The following EIF3M variants were observed in gnomAD, a reference collection of about 807,000 sequenced individuals.
EIF3M encodes eukaryotic translation initiation factor 3 subunit M, also known as B5 receptor.
Under a neutral mutation model 49.7 loss-of-function variants are expected in EIF3M, and 25 were observed. The ratio of observed to expected loss-of-function variants is 0.50; its 90% CI spans 0.37 to 0.70. The LOEUF (loss-of-function observed/expected upper bound fraction) is 0.70. Among genes scored for constraint, EIF3M ranks in the 30% least tolerant of loss-of-function variants. The pLI is 0.00. For missense variants in EIF3M, 350 were observed against 440.0 expected, an observed-to-expected ratio of 0.80 and a Z score of 1.83; for synonymous variants, 156 against 149.8, an observed-to-expected ratio of 1.04 and a Z score of -0.30.
intron 8 of EIF3M, among the ~76,000 whole-genome samples, chr11:32,599,596 T>G (rs2133203383): frequency 6.6e-6 from 1 of 152,110 alleles, no homozygotes; most frequent in East Asian, 1.9e-4. Flanking sequence ...GATTGATCAT[T>G]TGCTGATTTT....
At position 32,603,256 on chromosome 11, in the gene EIF3M, C is replaced by T. The variant is rs1288835875; in HGVS notation, c.*857C>T. 2.6e-6 allele frequency: 1 copy of T among 387,512 alleles called. No homozygotes were observed. The highest frequency in any genetic ancestry group is 4.6e-6 in the Non-Finnish European group (1 of 218,024). The allele number at this position is 387,512 out of a possible 1,614,324, so 24.0% of individuals were successfully genotyped here. On this transcript the variant is annotated 3_prime_UTR_variant, in exon 11 of 11. Transcript: ENST00000531120. ...TAAAGTGTACAAAAACTGCCTTTTA[C>T]TACTTCATGTTTCCTCCCATGCTTC...
intron 3 of EIF3M, 99 bp downstream of exon 3, chr11:32,588,831 A>G: frequency 6.4e-7 from 1 of 1,573,584 alleles, no homozygotes; most frequent in Non-Finnish European, 8.6e-7. Flanking sequence ...CTTGACTCTC[A>G]GCTGTGGCTC....
At chr11:32,601,232 A>C (rs1855257604) in intron 9 of EIF3M, 1 of 156,496 alleles carries the variant, frequency 6.4e-6, no homozygotes, top group Non-Finnish European at 1.4e-5. Flanking sequence ...TTCAAGTGTT[A>C]ACCATTACCA....
intron 9 of EIF3M, chr11:32,601,519 AAAAACAG>A (rs1456156654): frequency 3.5e-6 from 1 of 283,486 alleles, no homozygotes; most frequent in Middle Eastern, 1.0e-3. Flanking sequence ...AAAAAAAAAA[AAAAACAG>A]CAAAAAACTG....
intron 6 of EIF3M, chr11:32,594,658 A>G: frequency 3.2e-6 from 1 of 316,904 alleles, no homozygotes; most frequent in Non-Finnish European, 5.8e-6. Context: ...GCTGCTGCTT[A>G]CTATTTGATT....
chr11:32,586,501 C>T (rs754002983), intron 1 of EIF3M, among the ~76,000 whole-genome samples: 1 of 152,186 alleles, frequency 6.6e-6, no homozygotes, highest in Non-Finnish European at 1.5e-5. Flanking sequence ...CTTTTGTGAA[C>T]CAAAATGCTT....
rs1855309542 is a variant in EIF3M, at chr11:32,603,855, G to C, written c.*1456G>C. On this transcript the variant is annotated 3_prime_UTR_variant, in exon 11 of 11. Coordinates refer to ENST00000531120, the MANE Select transcript of EIF3M (RefSeq NM_006360.6). The stretch of plus-strand genomic sequence containing the variant: ...TTTGGGAAACTGAGGCGAGTGGATT[G>C]CATGAGCTCAGGAGTCGAAAACTAG... 1 of 152,216 alleles carries C rather than the reference G, an allele frequency of 6.6e-6. No individual in the cohort carries two copies. 9.4% of individuals were successfully genotyped at this position (152,216 alleles called of 1,614,324 possible). A position where few individuals can be genotyped will look rare whatever the true frequency, so the allele number is the denominator to read the frequency against.
rs1855306242 is a variant in EIF3M at position 32,603,641 on chromosome 11, C to T, written c.*1242C>T. The T allele has an allele frequency of 6.6e-6, 1 of 152,072 alleles. No individual in the cohort carries two copies. Among genetic ancestry groups the T allele is most frequent in the Admixed American group, 6.6e-5 (1 of 15,266 alleles). 9.4% of individuals were successfully genotyped at this position (152,072 alleles called of 1,614,324 possible). A position where few individuals can be genotyped will look rare whatever the true frequency, so the allele number is the denominator to read the frequency against. ...AATTGTCTATGGCTGCAAAATACTC[C>T]CTTTTATGGATGTTTGATATATCTC... On this transcript the variant is annotated 3_prime_UTR_variant, in exon 11 of 11. Transcript: ENST00000531120.
At chr11:32,586,804 T>TAG (rs1467471939) in intron 1 of EIF3M, 1 of 448,906 alleles carries the variant, frequency 2.2e-6, no homozygotes, top group East Asian at 3.7e-5. Context: ...GGCTGTAGTG[T>TAG]GTCTAAGGAG....
Position 32,602,656 on chromosome 11 carries a change from G to A in EIF3M, c.*257G>A. 2 of 765,538 alleles carry A rather than the reference G, an allele frequency of 2.6e-6. No individual in the cohort carries two copies. The highest frequency in any genetic ancestry group is 4.1e-6 in the Non-Finnish European group (2 of 489,552). The allele number at this position is 765,538 out of a possible 1,614,324, so 47.4% of individuals were successfully genotyped here. A position where few individuals can be genotyped will look rare whatever the true frequency, so the allele number is the denominator to read the frequency against. ...AAGAAAGGATAATATACAGAGAGAA[G>A]ACAGAAGTAGAGTAATACAATTTCT... On this transcript the variant is annotated 3_prime_UTR_variant, in exon 11 of 11. Transcript: ENST00000531120.
intron 10 of EIF3M, 87 bp downstream of exon 10, chr11:32,601,909 G>A: frequency 7.2e-7 from 1 of 1,392,644 alleles, no homozygotes; most frequent in Non-Finnish European, 1.0e-6. Flanking sequence ...AACCAAGGTG[G>A]TGTTATCACT....
At position 32,587,161 on chromosome 11, in the gene EIF3M, T is replaced by C. The variant is rs1279990033; in HGVS notation, c.175+17T>C. On this transcript the variant is annotated intron_variant, in intron 2 of 10. Coordinates refer to ENST00000531120, the MANE Select transcript of EIF3M (RefSeq NM_006360.6). ...ATGATAAAGGTTTGTTTTTAATTTT[T>C]TTCTAATATTTCCTAATAAAATCTT... The C allele has an allele frequency of 1.3e-6, 2 of 1,544,224 alleles. No homozygotes were observed. Among genetic ancestry groups the C allele is most frequent in the African/African-American group, 2.8e-5 (2 of 70,866 alleles).
At chr11:32,592,593 G>A (rs1855119968) in intron 5 of EIF3M, 3 of 539,590 alleles carry the variant, frequency 5.6e-6, no homozygotes, top group Non-Finnish European at 1.1e-5. Flanking sequence ...ACAAGAGTAA[G>A]TCACAAAACC....
chr11:32,603,319 A>C lies in EIF3M; in HGVS notation c.*920A>C, dbSNP rs1590534641. On this transcript the variant is annotated 3_prime_UTR_variant, in exon 11 of 11. Transcript: ENST00000531120. ...TTGAAGAAACAGGAAGGGCAGTGAG[A>C]TATTTGGAAGTTGGCATGTTTTCAA... 7.7e-6 allele frequency: 2 copies of C among 258,278 alleles called. No individual in the cohort carries two copies. The highest frequency in any genetic ancestry group is 1.5e-4 in the East Asian group (2 of 13,536). 16.0% of individuals were successfully genotyped at this position (258,278 alleles called of 1,614,324 possible).
At position 32,594,931 on chromosome 11, in the gene EIF3M, T is replaced by C. The variant is rs1164474644; in HGVS notation, c.635T>C (p.Leu212Ser). The change falls in exon 7 of 11, where the codon TTG becomes TCG. Residue 212 changes from leucine (L) to serine (S), a missense_variant. By Grantham distance (145) the Leu-to-Ser change is moderately radical. Transcript: ENST00000531120. ...TAATTAAGGTGTATTGTACGAGCAT[T>C]GAAAGATCCAAATGCATTTCTTTTT... ...VDAHRCIVRALKDPNAFLFDH... is the reference protein window; with the variant it reads ...VDAHRCIVRASKDPNAFLFDH... The C allele has an allele frequency of 6.2e-7, 1 of 1,613,394 alleles. No individual in the cohort carries two copies. Among genetic ancestry groups the C allele is most frequent in the Admixed American group, 1.7e-5 (1 of 59,914 alleles).
intron 2 of EIF3M, 118 bp downstream of exon 2, chr11:32,587,262 A>ATG: frequency 2.0e-6 from 2 of 982,768 alleles, no homozygotes; most frequent in Non-Finnish European, 2.9e-6. Flanking sequence ...TCAGATACAG[A>ATG]AGGCTGACTG....
rs1855248180 is a variant in EIF3M at position 32,600,713 on chromosome 11, C to G, written c.824C>G (p.Ala275Gly). The G allele has an allele frequency of 6.8e-6, 11 of 1,610,006 alleles. No individual in the cohort carries two copies. Among genetic ancestry groups the G allele is most frequent in the Non-Finnish European group, 9.3e-6 (11 of 1,177,776 alleles). ...SLGLLHEQNM[A>G]KMRLLTFMGM... ...GGCCTGTTACATGAACAGAATATGG[C>G]AAAAATGAGACTACTTACTTTTATG... Residue 275 changes from alanine to glycine, a missense_variant, in exon 9 of 11, where the codon GCA (alanine) becomes GGA (glycine). Physicochemically the swap from Ala to Gly is moderately conservative, Grantham distance 60. Transcript: ENST00000531120.
chr11:32,602,341 C>T lies in EIF3M; in HGVS notation c.1067C>T (p.Ala356Val), dbSNP rs1449975342. 1.9e-6 allele frequency: 3 copies of T among 1,612,432 alleles called. No individual in the cohort carries two copies. The highest frequency in any genetic ancestry group is 8.5e-7 in the Non-Finnish European group (1 of 1,179,014). Residue 356 changes from alanine (A) to valine (V), a missense_variant, in exon 11 of 11, where the codon GCC (alanine) becomes GTC (valine). By Grantham distance (64) the Ala-to-Val change is moderately conservative. Coordinates refer to ENST00000531120, the MANE Select transcript of EIF3M (RefSeq NM_006360.6). ...QWQQLYDTLN[A>V]WKQNLNKVKN... Reference sequence around the variant, plus strand: ...CAACAACTGTATGACACACTTAATGCCTGGAAACAAAATCTGAACAAAGTG... The same window carrying T: ...CAACAACTGTATGACACACTTAATGTCTGGAAACAAAATCTGAACAAAGTG...
chr11:32,600,568 C>T (rs1342642707), intron 8 of EIF3M, 121 bp from the exon 9 acceptor site: 2 of 1,220,346 alleles, frequency 1.6e-6, no homozygotes, highest in African/African-American at 1.6e-5. Flanking sequence ...TATAAGTGCT[C>T]AAACAATAAT....
Sources: allele counts gnomAD v4.1 joint callset (sites outside exome capture counted in the v4.1 genomes callset), GRCh38; gene constraint gnomAD v4.1.1; transcripts MANE v1.5; gene names NCBI Gene and HGNC (gene_info 2026-07-23, HGNC 2026-07-21).